The following TBC1D12 variants were observed in gnomAD, a reference collection of about 807,000 sequenced individuals.
TBC1D12 encodes the protein TBC1 domain family, member 12.
In TBC1D12, 56 loss-of-function variants were observed where a neutral mutation model predicts 86.7. The ratio of observed to expected loss-of-function variants is 0.65; its 90% CI spans 0.52 to 0.81. TBC1D12 has a LOEUF of 0.81. Among genes scored for constraint, TBC1D12 ranks in the 30% least tolerant of loss-of-function variants. The probability of loss-of-function intolerance (pLI) is 0.00; values close to 1 mark genes in which losing one functional copy is unlikely to be tolerated. For missense variants in TBC1D12, 1,023 were observed against 1,038.8 expected, an observed-to-expected ratio of 0.98 and a Z score of 0.21; for synonymous variants, 421 against 411.7, an observed-to-expected ratio of 1.02 and a Z score of -0.27.
intron 2 of TBC1D12, 21 bp from the exon 3 acceptor site, chr10:94,474,647 G>A (rs1279782453): frequency 7.0e-6 from 11 of 1,575,044 alleles, no homozygotes; most frequent in East Asian, 2.2e-5. Context: ...TCTGCATAAG[G>A]TATGTTTTAA....
At chr10:94,454,656 T>C (rs2134110444) in intron 2 of TBC1D12, among the ~76,000 whole-genome samples, 1 of 152,364 alleles carries the variant, frequency 6.6e-6, no homozygotes, top group Non-Finnish European at 1.5e-5. Flanking sequence ...TTTATGGTAA[T>C]GTGTTTTACA....
chr10:94,428,216 G>A (rs1327693785), intron 1 of TBC1D12, among the ~76,000 whole-genome samples: 1 of 151,900 alleles, frequency 6.6e-6, no homozygotes, highest in Non-Finnish European at 1.5e-5. Flanking sequence ...CTTGGAAGTG[G>A]TAGGTTGGTG....
At chr10:94,531,496 T>C (rs1842417017) in intron 12 of TBC1D12, 36 bp downstream of exon 12, 3 of 1,546,896 alleles carry the variant, frequency 1.9e-6, no homozygotes, top group Non-Finnish European at 2.6e-6. Context: ...ATAGATGTGT[T>C]AAAGCAGTTG....
In TBC1D12 at chr10:94,500,211, T is replaced by C; in HGVS notation, c.1413-10T>C. 2 of 1,609,812 alleles carry C rather than the reference T, an allele frequency of 1.2e-6. No individual in the cohort carries two copies. The highest frequency in any genetic ancestry group is 1.7e-6 in the Non-Finnish European group (2 of 1,178,532). On this transcript the variant is annotated splice_polypyrimidine_tract_variant and intron_variant, in intron 5 of 12. Coordinates refer to ENST00000225235, the MANE Select transcript of TBC1D12 (RefSeq NM_015188.2). The stretch of plus-strand genomic sequence containing the variant: ...TAACTTTCTCCTTTTTTCTCCTCCT[T>C]TAATTCTAGGCGTAGTACAAGAAGA...
At chr10:94,439,554 G>T (rs898425625) in intron 1 of TBC1D12, among the ~76,000 whole-genome samples, 1 of 152,136 alleles carries the variant, frequency 6.6e-6, no homozygotes, top group Non-Finnish European at 1.5e-5. Flanking sequence ...GTTTGCTGAG[G>T]GGCTGCAGTC....
intron 3 of TBC1D12, among the ~76,000 whole-genome samples, chr10:94,485,295 T>G (rs2056144234): frequency 6.6e-6 from 1 of 152,174 alleles, no homozygotes; most frequent in Non-Finnish European, 1.5e-5. Context: ...GCTTTTATTA[T>G]GAAGGGATGT....
At chr10:94,408,937 T>A (rs778538182) in intron 1 of TBC1D12, among the ~76,000 whole-genome samples, 25 of 152,230 alleles carry the variant, frequency 1.6e-4, no homozygotes, top group Non-Finnish European at 3.7e-4. Context: ...CAGGATCAAC[T>A]GTGCTACTAT....
intron 1 of TBC1D12, among the ~76,000 whole-genome samples, chr10:94,404,759 A>G (rs1467794697): frequency 2.0e-5 from 3 of 151,962 alleles, no homozygotes; most frequent in Non-Finnish European, 2.9e-5. Flanking sequence ...GTCAGAAAAT[A>G]CTTAATACAC....
At chr10:94,506,841 C>T (rs1259353797) in intron 6 of TBC1D12, among the ~76,000 whole-genome samples, 2 of 152,046 alleles carry the variant, frequency 1.3e-5, no homozygotes, top group South Asian at 2.1e-4. Context: ...CATCAGTAAC[C>T]CTATGAGTAG....
At chr10:94,493,305 T>C (rs1427175570) in intron 3 of TBC1D12, 60 bp from the exon 4 acceptor site, 17 of 1,311,810 alleles carry the variant, frequency 1.3e-5, no homozygotes, top group Non-Finnish European at 1.8e-5. Flanking sequence ...ACAAATAAGT[T>C]AGTAAGTTGA....
At chr10:94,419,170 G>T (rs2055042446) in intron 1 of TBC1D12, among the ~76,000 whole-genome samples, 1 of 152,114 alleles carries the variant, frequency 6.6e-6, no homozygotes, top group Admixed American at 6.5e-5. Context: ...ACCGCGCCTG[G>T]CCTCCCAGCC....
intron 9 of TBC1D12, among the ~76,000 whole-genome samples, chr10:94,512,604 G>A (rs1213135208): frequency 6.6e-6 from 1 of 152,100 alleles, no homozygotes; most frequent in East Asian, 1.9e-4. Flanking sequence ...TTACAGTTTA[G>A]AAGAAAGAAA....
At chr10:94,467,977 T>C (rs2055849401) in intron 2 of TBC1D12, among the ~76,000 whole-genome samples, 1 of 152,252 alleles carries the variant, frequency 6.6e-6, no homozygotes, top group Admixed American at 6.5e-5. Flanking sequence ...AGCTCTGACT[T>C]TGCAGACCCC....
At chr10:94,404,083 A>G (rs1390425020) in intron 1 of TBC1D12, among the ~76,000 whole-genome samples, 3 of 152,204 alleles carry the variant, frequency 2.0e-5, no homozygotes, top group African/African-American at 4.8e-5. Context: ...CTGTGCTTGC[A>G]TAGCGTCTAA....
intron 1 of TBC1D12, among the ~76,000 whole-genome samples, chr10:94,432,425 A>G (rs1204814056): frequency 1.3e-5 from 2 of 152,216 alleles, no homozygotes; most frequent in Non-Finnish European, 2.9e-5. Flanking sequence ...CAATATTTGT[A>G]ATGATATTTT....
At chr10:94,487,300 A>C (rs1033779268) in intron 3 of TBC1D12, among the ~76,000 whole-genome samples, 2 of 140,432 alleles carry the variant, frequency 1.4e-5, no homozygotes, top group African/African-American at 5.3e-5. Context: ...TGGAGAGTTT[A>C]GTCCATTTAC....
intron 2 of TBC1D12, among the ~76,000 whole-genome samples, chr10:94,473,829 A>G (rs995848071): frequency 2.6e-5 from 4 of 152,170 alleles, no homozygotes; most frequent in Admixed American, 1.3e-4. Flanking sequence ...ACTTGAATGG[A>G]TAAATTTAAA....
chr10:94,449,503 G>A (rs184616870), intron 2 of TBC1D12, among the ~76,000 whole-genome samples: 43 of 152,236 alleles, frequency 2.8e-4, no homozygotes, highest in Admixed American at 7.2e-4. Context: ...AAGCATAATG[G>A]TTTCCTCAGC....
At chr10:94,477,256 G>A in intron 3 of TBC1D12, among the ~76,000 whole-genome samples, 1 of 152,000 alleles carries the variant, frequency 6.6e-6, no homozygotes, top group East Asian at 1.9e-4. Context: ...TAACAATTTT[G>A]TTCACCTTTT....
Sources: gnomAD v4.1 joint callset for allele counts (sites outside exome capture counted in the v4.1 genomes callset) on GRCh38, gnomAD v4.1.1 for gene constraint, MANE v1.5 for transcripts, NCBI Gene and HGNC (gene_info 2026-07-23, HGNC 2026-07-21) for gene names.